Variants in FAF1 observed in about 807,000 individuals in gnomAD.
FAF1 encodes the protein FAS-associated factor 1.
Under a neutral mutation model 92.5 loss-of-function variants are expected in FAF1, and 25 were observed. The ratio of observed to expected loss-of-function variants is 0.27; its 90% confidence interval spans 0.20 to 0.38. The LOEUF (loss-of-function observed/expected upper bound fraction) is 0.38, where lower values mean the gene tolerates loss of function less well. Ranked by LOEUF, FAF1 falls within the 10% of genes least tolerant of loss-of-function variation. The pLI, the probability that FAF1 is intolerant of heterozygous loss-of-function variation, is 1.00. For missense variants in FAF1, 636 were observed against 793.3 expected (o/e 0.80, Z 2.38); for synonymous variants, 234 against 273.2 (o/e 0.86, Z 1.42).
At chr1:50,558,300 A>G (rs557945680) in intron 13 of FAF1, among the ~76,000 whole-genome samples, 46 of 152,248 alleles carry the variant, frequency 3.0e-4, no homozygotes, top group African/African-American at 1.1e-3. Flanking sequence ...TTTTATATCA[A>G]TATAAAAACT....
chr1:50,801,851 A>C (rs1662002777), intron 2 of FAF1, among the ~76,000 whole-genome samples, 174 bp from the exon 3 acceptor site: 1 of 152,192 alleles, frequency 6.6e-6, no homozygotes, highest in South Asian at 2.1e-4. Flanking sequence ...TCTCAGTTAT[A>C]AAATTGTATT....
At chr1:50,484,456 T>C (rs755857766) in intron 17 of FAF1, among the ~76,000 whole-genome samples, 4 of 152,134 alleles carry the variant, frequency 2.6e-5, no homozygotes, top group Non-Finnish European at 5.9e-5. Context: ...CATATATATA[T>C]AGTCTCCATA....
intron 7 of FAF1, among the ~76,000 whole-genome samples, chr1:50,690,217 C>T (rs1656859734): frequency 1.3e-5 from 2 of 151,982 alleles, no homozygotes; most frequent in African/African-American, 4.8e-5. Flanking sequence ...AACTCCTGAC[C>T]TCAGGTGATC....
chr1:50,584,552 T>G, intron 10 of FAF1, 133 bp downstream of exon 10: 2 of 769,058 alleles, frequency 2.6e-6, no homozygotes, highest in Non-Finnish European at 3.9e-6. Flanking sequence ...TAATGAAGAA[T>G]GCCTACTCTC....
intron 2 of FAF1, among the ~76,000 whole-genome samples, chr1:50,811,206 G>C (rs979583066): frequency 5.9e-5 from 9 of 152,144 alleles, no homozygotes; most frequent in Non-Finnish European, 1.2e-4. Flanking sequence ...AGGCAAGGGA[G>C]TGTGCATCTG....
chr1:50,641,301 C>T (rs1654316376), intron 8 of FAF1, among the ~76,000 whole-genome samples: 1 of 151,872 alleles, frequency 6.6e-6, no homozygotes, highest in South Asian at 2.1e-4. Context: ...TGACATTGGA[C>T]CGCCTTTTAA....
At chr1:50,934,088 T>A (rs1645068474) in intron 1 of FAF1, among the ~76,000 whole-genome samples, 1 of 152,216 alleles carries the variant, frequency 6.6e-6, no homozygotes, top group Non-Finnish European at 1.5e-5. Flanking sequence ...TCTCTTCTAT[T>A]AGCTTTTTAA....
chr1:50,518,702 A>T (rs998773254), intron 15 of FAF1, among the ~76,000 whole-genome samples: 3 of 152,140 alleles, frequency 2.0e-5, no homozygotes, highest in African/African-American at 7.2e-5. Context: ...GGCCTCCCAC[A>T]GTGCTGGGAT....
At chr1:50,778,425 G>C (rs1436556596) in intron 4 of FAF1, among the ~76,000 whole-genome samples, 1 of 152,064 alleles carries the variant, frequency 6.6e-6, no homozygotes, top group Non-Finnish European at 1.5e-5. Context: ...CTTCCACACA[G>C]TCAAAAATCT....
chr1:50,452,310 G>A, intron 18 of FAF1: 2 of 426,958 alleles, frequency 4.7e-6, no homozygotes, highest in South Asian at 2.1e-5. Context: ...TGAAGATTCT[G>A]TAGTGTGGCA....
At chr1:50,955,154 T>A (rs145659095) in intron 1 of FAF1, among the ~76,000 whole-genome samples, 1 of 152,366 alleles carries the variant, frequency 6.6e-6, no homozygotes, top group East Asian at 1.9e-4. Context: ...TCAGACCAAA[T>A]GATTCATGTT....
chr1:50,647,703 T>C (rs2124267900), intron 8 of FAF1, among the ~76,000 whole-genome samples: 1 of 152,334 alleles, frequency 6.6e-6, no homozygotes, highest in African/African-American at 2.4e-5. Context: ...AGTATTCTTG[T>C]AACTACTGAC....
chr1:50,958,395 G>GC (rs1645287206), intron 1 of FAF1, among the ~76,000 whole-genome samples: 1 of 152,108 alleles, frequency 6.6e-6, no homozygotes, highest in African/African-American at 2.4e-5. Context: ...AAAAATAAGG[G>GC]CCGGGAGCAG....
chr1:50,775,723 A>G (rs550948940), intron 4 of FAF1, among the ~76,000 whole-genome samples: 3 of 152,268 alleles, frequency 2.0e-5, no homozygotes, highest in African/African-American at 7.2e-5. Flanking sequence ...ATCTTAATTA[A>G]TCAAAGAAAT....
intron 1 of FAF1, among the ~76,000 whole-genome samples, chr1:50,869,492 A>C (rs866512477): frequency 2.0e-5 from 3 of 151,990 alleles, no homozygotes; most frequent in South Asian, 4.1e-4. Context: ...TTGTTGTTGC[A>C]TGTTTTAGTA....
intron 1 of FAF1, among the ~76,000 whole-genome samples, chr1:50,858,640 C>T (rs1381975438): frequency 6.6e-6 from 1 of 151,780 alleles, no homozygotes; most frequent in Non-Finnish European, 1.5e-5. Flanking sequence ...TTTTGACATA[C>T]TAGCTTAAAT....
At chr1:50,712,815 TTTATGTTGG>T (rs1175303794) in intron 6 of FAF1, among the ~76,000 whole-genome samples, 1 of 152,004 alleles carries the variant, frequency 6.6e-6, no homozygotes, top group Admixed American at 6.6e-5. Context: ...TACCCCCTAA[TTTATGTTGG>T]TTATGATAGT....
At chr1:50,492,609 G>A (rs1572782344) in intron 15 of FAF1, among the ~76,000 whole-genome samples, 1 of 151,524 alleles carries the variant, frequency 6.6e-6, no homozygotes, top group Admixed American at 6.6e-5. Flanking sequence ...ACCCACACCT[G>A]TCTACACTAG....
chr1:50,726,706 G>A (rs774388730), intron 6 of FAF1, among the ~76,000 whole-genome samples: 1 of 152,158 alleles, frequency 6.6e-6, no homozygotes, highest in Non-Finnish European at 1.5e-5. Flanking sequence ...GCGGGCACCT[G>A]TAGTCCCAGC....
Sources: gnomAD v4.1 joint callset for allele counts (sites outside exome capture counted in the v4.1 genomes callset) on GRCh38, gnomAD v4.1.1 for gene constraint, MANE v1.5 for transcripts, NCBI Gene and HGNC (gene_info 2026-07-23, HGNC 2026-07-21) for gene names.